Variants in GPC5 observed in about 807,000 individuals in gnomAD.
GPC5 encodes glypican-5.
Under a neutral mutation model 53.9 loss-of-function variants are expected in GPC5, and 47 were observed. That is an observed-to-expected ratio of 0.87 (90% CI 0.69 to 1.11). The LOEUF is 1.11. Among genes scored for constraint, GPC5 ranks in the 50% most tolerant of loss-of-function variants. GPC5 has a pLI of 0.00. For synonymous variants in GPC5, 286 were observed against 263.3 expected (o/e 1.09, Z -0.84); for missense variants, 748 against 713.1 (o/e 1.05, Z -0.56).
At chr13:91,984,030 TG>T (rs2040384841) in intron 6 of GPC5, among the ~76,000 whole-genome samples, 1 of 152,160 alleles carries the variant, frequency 6.6e-6, no homozygotes, top group Non-Finnish European at 1.5e-5. Flanking sequence ...TGAAAGTAAG[TG>T]TCCAACTTTA....
chr13:92,426,302 A>C (rs1347578812), intron 7 of GPC5, among the ~76,000 whole-genome samples: 1 of 152,068 alleles, frequency 6.6e-6, no homozygotes, highest in African/African-American at 2.4e-5. Flanking sequence ...CTTGATTCTC[A>C]TTCTTACCCT....
chr13:91,527,994 G>A (rs527950469), intron 2 of GPC5, among the ~76,000 whole-genome samples: 1 of 152,304 alleles, frequency 6.6e-6, no homozygotes, highest in East Asian at 1.9e-4. Flanking sequence ...TCCCTTGTAG[G>A]CTTCTGGGCT....
chr13:91,732,551 C>A (rs2036724095), intron 4 of GPC5, among the ~76,000 whole-genome samples: 1 of 151,900 alleles, frequency 6.6e-6, no homozygotes, highest in African/African-American at 2.4e-5. Flanking sequence ...TCAATTTTGG[C>A]TTTTGTTGCA....
intron 4 of GPC5, among the ~76,000 whole-genome samples, chr13:91,739,055 T>C (rs949805719): frequency 6.6e-6 from 1 of 151,576 alleles, no homozygotes; most frequent in African/African-American, 2.4e-5. Flanking sequence ...GACATCTTCA[T>C]TTTTGAAGAA....
At chr13:92,225,739 T>G (rs2042481040) in intron 7 of GPC5, among the ~76,000 whole-genome samples, 1 of 152,078 alleles carries the variant, frequency 6.6e-6, no homozygotes, top group African/African-American at 2.4e-5. Flanking sequence ...AAAGCCAATC[T>G]TAAATTCTTC....
In GPC5 at chr13:92,153,056, G is replaced by A. The variant is rs114019430; in HGVS notation, c.1561+8067G>A. Among the ~76,000 whole-genome samples, 1,275 of 152,216 alleles carry A rather than the reference G, an allele frequency of 8.4e-3. 29 individuals are homozygous for A. The highest frequency in any genetic ancestry group is 0.029 in the African/African-American group (1,215 of 41,518). Reference sequence around the variant, plus strand: ...CAAATCATACAGTCTCTCTTGTCTTGTTACTCCTTTTGTTAAACAGTGTGG... The same window carrying A: ...CAAATCATACAGTCTCTCTTGTCTTATTACTCCTTTTGTTAAACAGTGTGG... On this transcript the variant is annotated intron_variant, in intron 7 of 7. Coordinates refer to ENST00000377067, the MANE Select transcript of GPC5 (RefSeq NM_004466.6).
intron 6 of GPC5, among the ~76,000 whole-genome samples, chr13:92,037,738 T>C (rs941848216): frequency 6.6e-6 from 1 of 152,160 alleles, no homozygotes; most frequent in Admixed American, 6.5e-5. Flanking sequence ...GTATGAACCA[T>C]TATCCTGTGT....
At chr13:92,236,312 T>A (rs1036561946) in intron 7 of GPC5, among the ~76,000 whole-genome samples, 3 of 152,088 alleles carry the variant, frequency 2.0e-5, no homozygotes, top group Non-Finnish European at 4.4e-5. Flanking sequence ...TCTAAAATTG[T>A]ATGAGAGGAC....
At chr13:92,534,419 G>A (rs1365793352) in intron 7 of GPC5, among the ~76,000 whole-genome samples, 2 of 152,310 alleles carry the variant, frequency 1.3e-5, no homozygotes, top group East Asian at 3.9e-4. Context: ...TTGGGCAAAG[G>A]AGGTTGATGG....
intron 7 of GPC5, among the ~76,000 whole-genome samples, chr13:92,404,043 C>T (rs1875678933): frequency 6.6e-6 from 1 of 152,068 alleles, no homozygotes; most frequent in Non-Finnish European, 1.5e-5. Flanking sequence ...GAAGTTTATT[C>T]ATTTAACTGC....
intron 7 of GPC5, among the ~76,000 whole-genome samples, chr13:92,333,272 G>T (rs1398595187): frequency 2.6e-5 from 4 of 152,128 alleles, no homozygotes; most frequent in African/African-American, 9.7e-5. Flanking sequence ...CTGGTGTGGG[G>T]ATAGGAAAAG....
intron 7 of GPC5, among the ~76,000 whole-genome samples, chr13:92,403,496 T>C (rs1875651551): frequency 6.6e-6 from 1 of 152,192 alleles, no homozygotes; most frequent in Non-Finnish European, 1.5e-5. Context: ...CAAACCCTAT[T>C]GTGAGCTGCG....
intron 7 of GPC5, among the ~76,000 whole-genome samples, chr13:92,432,892 A>G (rs111762514): frequency 2.6e-5 from 4 of 152,124 alleles, no homozygotes; most frequent in African/African-American, 9.6e-5. Context: ...CTCTGGAAAA[A>G]GATAAATATT....
chr13:91,625,726 C>T (rs1412055276), intron 2 of GPC5, among the ~76,000 whole-genome samples: 1 of 151,912 alleles, frequency 6.6e-6, no homozygotes, highest in Non-Finnish European at 1.5e-5. Context: ...TCTTTAACCA[C>T]GTTATTTAGG....
At chr13:92,471,199 C>T (rs1323649855) in intron 7 of GPC5, among the ~76,000 whole-genome samples, 1 of 152,158 alleles carries the variant, frequency 6.6e-6, no homozygotes, top group Non-Finnish European at 1.5e-5. Context: ...GTACTTTATA[C>T]ACTAAACTCA....
chr13:92,385,720 C>CGT (rs1874661000), intron 7 of GPC5, among the ~76,000 whole-genome samples: 14 of 130,914 alleles, frequency 1.1e-4, no homozygotes, highest in African/African-American at 3.4e-4. Context: ...CACATATATA[C>CGT]ATATATACAT....
chr13:92,805,668 G>A (rs1594519496), intron 7 of GPC5, among the ~76,000 whole-genome samples: 1 of 151,838 alleles, frequency 6.6e-6, no homozygotes, highest in Non-Finnish European at 1.5e-5. Flanking sequence ...AAACTCCTGG[G>A]TTCAAGTGAT....
At chr13:92,521,430 C>T (rs556198352) in intron 7 of GPC5, among the ~76,000 whole-genome samples, 11 of 152,204 alleles carry the variant, frequency 7.2e-5, no homozygotes, top group African/African-American at 2.2e-4. Context: ...AAAACAGAGA[C>T]ATAGACCAAT....
intron 7 of GPC5, among the ~76,000 whole-genome samples, chr13:92,314,222 C>CCT (rs1166482534): frequency 6.6e-6 from 1 of 151,892 alleles, no homozygotes; most frequent in African/African-American, 2.4e-5. Context: ...TTGTACCTTT[C>CCT]CTCTCTCTCT....
Sources: gnomAD v4.1 joint callset for allele counts (sites outside exome capture counted in the v4.1 genomes callset) on GRCh38, gnomAD v4.1.1 for gene constraint, MANE v1.5 for transcripts, NCBI Gene and HGNC (gene_info 2026-07-23, HGNC 2026-07-21) for gene names.